SLC15A5: variants seen among roughly 807,000 people sequenced by gnomAD.
SLC15A5 encodes the protein Peptide/histidine transporter ENSP00000340402.
In SLC15A5, 58 loss-of-function variants were observed where a neutral mutation model predicts 56.1. The ratio of observed to expected loss-of-function variants is 1.03; its 90% confidence interval spans 0.84 to 1.29. SLC15A5 has a LOEUF of 1.29. SLC15A5 is among the 50% of genes most tolerant of loss of function. The pLI is 0.00. For missense variants in SLC15A5, 681 were observed against 672.1 expected (o/e 1.01, Z -0.15); for synonymous variants, 264 against 250.5 (o/e 1.05, Z -0.51).
At chr12:16,221,414 A>C (rs1390072675) in intron 6 of SLC15A5, among the ~76,000 whole-genome samples, 2 of 152,204 alleles carry the variant, frequency 1.3e-5, no homozygotes, top group African/African-American at 4.8e-5. Flanking sequence ...ATGAGAAGCC[A>C]GTCATTTGAA....
intron 6 of SLC15A5, among the ~76,000 whole-genome samples, chr12:16,218,318 G>A (rs1864151114): frequency 6.6e-6 from 1 of 152,092 alleles, no homozygotes; most frequent in Non-Finnish European, 1.5e-5. Context: ...TTACTCTTTT[G>A]TGCTTTGCGA....
At chr12:16,206,846 C>G (rs1001219935) in intron 7 of SLC15A5, among the ~76,000 whole-genome samples, 1 of 152,112 alleles carries the variant, frequency 6.6e-6, no homozygotes, top group Non-Finnish European at 1.5e-5. Flanking sequence ...AGGCATTGTT[C>G]ACCTGAGCTG....
intron 2 of SLC15A5, among the ~76,000 whole-genome samples, chr12:16,261,087 G>A (rs576446009): frequency 5.3e-5 from 8 of 151,620 alleles, no homozygotes; most frequent in African/African-American, 1.9e-4. Context: ...AGATATAATT[G>A]AGATGCAGTA....
At position 16,272,732 on chromosome 12, in the gene SLC15A5, C is replaced by A. The variant is rs1046002634; in HGVS notation, c.413G>T (p.Gly138Val). ...TATGTTGTTAACTGCATGGTAAGTGCCCAGATAGAAATCTTCCAAGGGAAA... is the reference window on the plus strand; with the variant it reads ...TATGTTGTTAACTGCATGGTAAGTGACCAGATAGAAATCTTCCAAGGGAAA... ...VAFPLEDFYLGTYHAVNNIPK... is the reference protein window; with the variant it reads ...VAFPLEDFYLVTYHAVNNIPK... The change falls in exon 2 of 9, where the codon GGC (glycine) becomes GTC (valine). Residue 138 changes from glycine (G) to valine (V), a missense_variant. Transcript: ENST00000344941. The A allele has an allele frequency of 1.1e-5, 17 of 1,537,166 alleles. No homozygotes were observed. The Admixed American group carries it at 3.1e-4, about 28-fold the overall frequency.
intron 7 of SLC15A5, among the ~76,000 whole-genome samples, chr12:16,202,869 C>T (rs779334687): frequency 3.3e-5 from 5 of 151,902 alleles, no homozygotes; most frequent in African/African-American, 4.8e-5. Context: ...CACAGAAAGA[C>T]GAATACCATA....
At position 16,272,755 on chromosome 12, in the gene SLC15A5, A is replaced by G; in HGVS notation, c.390T>C (p.Phe130=). The G allele has an allele frequency of 6.5e-7, 1 of 1,537,042 alleles. No individual in the cohort carries two copies. The highest frequency in any genetic ancestry group is 2.4e-5 in the East Asian group (1 of 40,908). The part of the protein sequence containing the change: ...LGTALLSVVA[F]PLEDFYLGTY... ...TGCCCAGATAGAAATCTTCCAAGGG[A>G]AAAGCCACCACAGATAACAAAGCAG... The change falls in exon 2 of 9, where the codon TTT becomes TTC. Residue 130 remains phenylalanine (F), a synonymous_variant. Coordinates refer to ENST00000344941, the MANE Select transcript of SLC15A5 (RefSeq NM_001170798.1).
chr12:16,206,078 G>A (rs550255513), intron 7 of SLC15A5, among the ~76,000 whole-genome samples: 42 of 152,106 alleles, frequency 2.8e-4, no homozygotes, highest in African/African-American at 6.3e-4. Context: ...GCTTGGGAGC[G>A]AAAAAGGGTG....
intron 5 of SLC15A5, among the ~76,000 whole-genome samples, chr12:16,225,127 T>C (rs2136249908): frequency 6.6e-6 from 1 of 152,320 alleles, no homozygotes; most frequent in South Asian, 2.1e-4. Context: ...CAGTCTATCA[T>C]TGTTGGACAT....
Position 16,201,316 on chromosome 12 carries a change from G to A in SLC15A5, c.1484-6863C>T, listed in dbSNP as rs542785278. Among the ~76,000 whole-genome samples, 10 of 152,152 alleles carry A rather than the reference G, an allele frequency of 6.6e-5. No individual in the cohort carries two copies. The East Asian group carries it at 1.9e-3, about 29-fold the overall frequency. On this transcript the variant is annotated intron_variant, in intron 7 of 8. Coordinates refer to ENST00000344941, the MANE Select transcript of SLC15A5 (RefSeq NM_001170798.1). ...TCTTGAGCAAAAAACAAAGATGGAG[G>A]CATCACACTACCTGACTTCAAAATA...
At chr12:16,231,498 C>A (rs776589527) in intron 5 of SLC15A5, among the ~76,000 whole-genome samples, 2 of 152,160 alleles carry the variant, frequency 1.3e-5, no homozygotes, top group Non-Finnish European at 2.9e-5. Context: ...TCCTCCTAAT[C>A]CCCTGAGGAA....
chr12:16,230,908 G>A (rs1421220019), intron 5 of SLC15A5, among the ~76,000 whole-genome samples: 1 of 144,892 alleles, frequency 6.9e-6, no homozygotes, highest in Non-Finnish European at 1.5e-5. Flanking sequence ...AGGCTGCAGA[G>A]CAAGACTCCG....
chr12:16,226,782 C>T (rs969857331), intron 5 of SLC15A5, among the ~76,000 whole-genome samples: 3 of 152,120 alleles, frequency 2.0e-5, no homozygotes, highest in Admixed American at 6.5e-5. Flanking sequence ...ATTTTGTTAC[C>T]GAGTCTGTAT....
rs1173036261 is a variant in SLC15A5 at position 16,194,275 on chromosome 12, C to T, written c.1592+70G>A. Reference sequence around the variant, plus strand: ...AGTCATGGTGTACAGAATTCCCTGGCTCAGTGATGGTTCCCAGACCAATAT... The same window carrying T: ...AGTCATGGTGTACAGAATTCCCTGGTTCAGTGATGGTTCCCAGACCAATAT... On this transcript the variant is annotated intron_variant, in intron 8 of 8. Transcript: ENST00000344941. The T allele has an allele frequency of 5.4e-6, 5 of 926,874 alleles. No homozygotes were observed. In the South Asian group the frequency reaches 6.9e-5, roughly 13 times the overall value. The allele number at this position is 926,874 out of a possible 1,614,324, so 57.4% of individuals were successfully genotyped here. A position where few individuals can be genotyped will look rare whatever the true frequency, so the allele number is the denominator to read the frequency against.
chr12:16,228,843 G>A (rs374718024), intron 5 of SLC15A5, among the ~76,000 whole-genome samples: 1 of 145,372 alleles, frequency 6.9e-6, no homozygotes, highest in African/African-American at 2.5e-5. Flanking sequence ...TATATTGATT[G>A]TTTATGTTAT....
chr12:16,217,806 A>C (rs1591645362), intron 6 of SLC15A5, among the ~76,000 whole-genome samples: 1 of 152,222 alleles, frequency 6.6e-6, no homozygotes, highest in South Asian at 2.1e-4. Flanking sequence ...GAGAGACAAT[A>C]GCTTAAGCAT....
Position 16,267,078 on chromosome 12 carries a change from G to A in SLC15A5, c.584+5483C>T, listed in dbSNP as rs181106759. ...AGACTGGCCAGTTTTGATGTGCTTC[G>A]TGTTTACTTTTGGTGATTTGAAGAG... On this transcript the variant is annotated intron_variant, in intron 2 of 8. Transcript: ENST00000344941. 2.2e-3 allele frequency among the ~76,000 whole-genome samples: 330 copies of A among 152,114 alleles called. 2 individuals are homozygous for A. The highest frequency in any genetic ancestry group is 7.6e-3 in the African/African-American group (315 of 41,508).
intron 7 of SLC15A5, among the ~76,000 whole-genome samples, chr12:16,215,064 G>A (rs1864116825): frequency 6.6e-6 from 1 of 152,036 alleles, no homozygotes; most frequent in Non-Finnish European, 1.5e-5. Context: ...TTAGCTGGGT[G>A]TGGTGGTGTG....
chr12:16,206,730 A>C (rs1308492938), intron 7 of SLC15A5, among the ~76,000 whole-genome samples: 1 of 152,186 alleles, frequency 6.6e-6, no homozygotes, highest in African/African-American at 2.4e-5. Flanking sequence ...CTGCATCACG[A>C]CTTTAATGTG....
intron 4 of SLC15A5, among the ~76,000 whole-genome samples, chr12:16,241,962 C>A (rs1385010635): frequency 6.6e-6 from 1 of 152,140 alleles, no homozygotes; most frequent in East Asian, 1.9e-4. Flanking sequence ...GTTCTGAAAT[C>A]ATCGCCCTGT....
Sources: allele counts gnomAD v4.1 joint callset (sites outside exome capture counted in the v4.1 genomes callset), GRCh38; gene constraint gnomAD v4.1.1; transcripts MANE v1.5; gene names NCBI Gene and HGNC (gene_info 2026-07-23, HGNC 2026-07-21).